Variants in CMKLR1 observed in about 807,000 individuals in gnomAD.
The protein encoded by CMKLR1 is chemerin chemokine-like receptor 1, also known as chemerin-like receptor 1.
In CMKLR1, 6 loss-of-function variants were observed where a neutral mutation model predicts 8.2. That is an observed-to-expected ratio of 0.73 (90% confidence interval 0.40 to 1.44). CMKLR1 has a LOEUF of 1.44. CMKLR1 is among the 40% of genes most tolerant of loss of function. CMKLR1 has a pLI of 0.02. For missense variants in CMKLR1, 429 were observed against 478.0 expected, an observed-to-expected ratio of 0.90 and a Z score of 0.96; for synonymous variants, 178 against 181.2, an observed-to-expected ratio of 0.98 and a Z score of 0.14.
chr12:108,301,637 C>T (rs572045055), intron 2 of CMKLR1, among the ~76,000 whole-genome samples: 2 of 152,238 alleles, frequency 1.3e-5, no homozygotes, highest in South Asian at 2.1e-4. Flanking sequence ...TGGCAGGAGC[C>T]AAGCCCATTA....
rs1241980247 is a variant in CMKLR1 at position 108,338,536 on chromosome 12, G to A, written c.-287+491C>T. Among the ~76,000 whole-genome samples, 4 of 152,030 alleles carry A rather than the reference G, an allele frequency of 2.6e-5. No homozygotes were observed. The East Asian group carries it at 7.7e-4, about 29-fold the overall frequency. On this transcript the variant is annotated intron_variant, in intron 1 of 3. Transcript: ENST00000550402. The stretch of plus-strand genomic sequence containing the variant: ...AGGTCAAGCTGCCACGGCCTTCCAG[G>A]GTGCAGTGTGACCAAAAGCTCAGAA...
At chr12:108,320,101 T>C (rs1235812881) in intron 2 of CMKLR1, among the ~76,000 whole-genome samples, 6 of 151,962 alleles carry the variant, frequency 3.9e-5, no homozygotes, top group Non-Finnish European at 5.9e-5. Context: ...CAGTGAAATT[T>C]GAAGGACAAG....
intron 1 of CMKLR1, among the ~76,000 whole-genome samples, chr12:108,331,489 G>T (rs565613009): frequency 6.6e-6 from 1 of 152,202 alleles, no homozygotes; most frequent in East Asian, 1.9e-4. Flanking sequence ...ATCTAAATTC[G>T]AAATTCAAGA....
In CMKLR1 at chr12:108,292,677, T is replaced by C; in HGVS notation, c.286A>G (p.Ile96Val). The stretch of plus-strand genomic sequence containing the variant: ...TGGTAGTCCATGGCGGCATAGGTGA[T>C]ATGGATTGGGAGGAAGACGTTGAAC... ...FLFNVFLPIHITYAAMDYHWV... is the reference protein window; with the variant it reads ...FLFNVFLPIHVTYAAMDYHWV... The change falls in exon 4 of 4, where the codon ATC (isoleucine) becomes GTC (valine). Residue 96 changes from isoleucine (I) to valine (V), a missense_variant. Physicochemically the swap from Ile to Val is conservative, Grantham distance 29 (BLOSUM62 3). Transcript: ENST00000550402. The C allele has an allele frequency of 1.2e-6, 2 of 1,614,158 alleles. No homozygotes were observed. The highest frequency in any genetic ancestry group is 8.5e-7 in the Non-Finnish European group (1 of 1,180,016).
chr12:108,298,798 C>A (rs1376890315), intron 2 of CMKLR1, among the ~76,000 whole-genome samples: 1 of 152,214 alleles, frequency 6.6e-6, no homozygotes, highest in Admixed American at 6.5e-5. Flanking sequence ...GCCTGAGACC[C>A]TGAACTCACA....
rs989901470 is a variant in CMKLR1 at position 108,288,482 on chromosome 12, T to C, written c.*3359A>G. ...GGCTCCCAACCCCACCAGAGCTGAC[T>C]CTGGGGTCGAATTTGAGCCAATCCC... On this transcript the variant is annotated 3_prime_UTR_variant, in exon 4 of 4. Coordinates refer to ENST00000550402, the MANE Select transcript of CMKLR1 (RefSeq NM_001142343.2). The C allele has an allele frequency of 6.6e-6, 1 of 152,270 alleles. No individual in the cohort carries two copies. The highest frequency in any genetic ancestry group is 2.4e-5 in the African/African-American group (1 of 41,448). The allele number at this position is 152,270 out of a possible 1,614,324, so 9.4% of individuals were successfully genotyped here. A position where few individuals can be genotyped will look rare whatever the true frequency, so the allele number is the denominator to read the frequency against.
intron 2 of CMKLR1, among the ~76,000 whole-genome samples, chr12:108,327,704 C>T (rs754680609): frequency 1.3e-5 from 2 of 152,150 alleles, no homozygotes; most frequent in Admixed American, 6.5e-5. Flanking sequence ...ATCTTGGAGG[C>T]GGGAAGCAGG....
intron 2 of CMKLR1, among the ~76,000 whole-genome samples, chr12:108,312,036 A>C (rs1392372010): frequency 6.6e-6 from 1 of 152,156 alleles, no homozygotes; most frequent in Non-Finnish European, 1.5e-5. Flanking sequence ...AGGCAGAGCA[A>C]ACAGCAAGGT....
At chr12:108,299,845 C>T (rs1209939475) in intron 2 of CMKLR1, among the ~76,000 whole-genome samples, 1 of 152,176 alleles carries the variant, frequency 6.6e-6, no homozygotes, top group Non-Finnish European at 1.5e-5. Context: ...GCCTCCAGAA[C>T]CATGAGAGAA....
At chr12:108,296,823 C>CAATAAA (rs1891149473) in intron 2 of CMKLR1, among the ~76,000 whole-genome samples, 1 of 136,038 alleles carries the variant, frequency 7.4e-6, no homozygotes. Context: ...AGACTGTCTT[C>CAATAAA]AAAAAAAAAA....
intron 1 of CMKLR1, among the ~76,000 whole-genome samples, chr12:108,331,822 G>A (rs566518823): frequency 2.0e-5 from 3 of 152,130 alleles, no homozygotes; most frequent in Non-Finnish European, 4.4e-5. Context: ...GAAAAGGAGG[G>A]CAAACAGATT....
At chr12:108,329,639 CTG>C (rs1391100874) in intron 2 of CMKLR1, among the ~76,000 whole-genome samples, 1 of 152,140 alleles carries the variant, frequency 6.6e-6, no homozygotes, top group Non-Finnish European at 1.5e-5. Context: ...TCATGGGTGA[CTG>C]TGACCTGTGA....
intron 2 of CMKLR1, among the ~76,000 whole-genome samples, chr12:108,310,857 A>G (rs1257407588): frequency 6.6e-6 from 1 of 152,068 alleles, no homozygotes; most frequent in Non-Finnish European, 1.5e-5. Context: ...CAGAGACAGG[A>G]GGGAGGCAGT....
chr12:108,333,464 G>T (rs960768084), intron 1 of CMKLR1, among the ~76,000 whole-genome samples: 2 of 152,140 alleles, frequency 1.3e-5, no homozygotes, highest in African/African-American at 2.4e-5. Flanking sequence ...AGATCACAAG[G>T]CACCAGACAC....
chr12:108,309,205 C>T (rs1244590505), intron 2 of CMKLR1, among the ~76,000 whole-genome samples: 1 of 152,164 alleles, frequency 6.6e-6, no homozygotes, highest in South Asian at 2.1e-4. Context: ...TATGTAAATG[C>T]TGAAAAAATA....
intron 2 of CMKLR1, among the ~76,000 whole-genome samples, chr12:108,328,709 G>C (rs888984290): frequency 2.6e-5 from 4 of 152,148 alleles, no homozygotes; most frequent in Non-Finnish European, 5.9e-5. Context: ...ACTCCCTGAA[G>C]ACCTGTTCTT....
chr12:108,312,662 C>T (rs1471716653), intron 2 of CMKLR1, among the ~76,000 whole-genome samples: 1 of 152,198 alleles, frequency 6.6e-6, no homozygotes, highest in Non-Finnish European at 1.5e-5. Flanking sequence ...TAGGAAGGGG[C>T]AGAGGAGAGA....
chr12:108,327,200 A>T (rs2137338503), intron 2 of CMKLR1, among the ~76,000 whole-genome samples: 2 of 152,380 alleles, frequency 1.3e-5, no homozygotes, highest in East Asian at 3.9e-4. Flanking sequence ...TCCTGAGGCC[A>T]GGCACGGTGG....
chr12:108,308,435 A>G (rs541775491), intron 2 of CMKLR1, among the ~76,000 whole-genome samples: 3 of 152,230 alleles, frequency 2.0e-5, no homozygotes, highest in African/African-American at 7.2e-5. Context: ...CCCTGAGCAC[A>G]TCTGGTCCAG....
Sources: allele counts gnomAD v4.1 joint callset (sites outside exome capture counted in the v4.1 genomes callset), GRCh38; gene constraint gnomAD v4.1.1; transcripts MANE v1.5; gene names NCBI Gene and HGNC (gene_info 2026-07-23, HGNC 2026-07-21).